The following UBR4 variants were observed in gnomAD, a reference collection of about 807,000 sequenced individuals.
The protein encoded by UBR4 is ubiquitin protein ligase E3 component n-recognin 4, also known as E3 ubiquitin-protein ligase UBR4.
UBR4 carries 124 observed loss-of-function variants against 575.6 expected under a neutral mutation model. The observed-to-expected ratio is 0.22, with a 90% CI of 0.19 to 0.25. The LOEUF (loss-of-function observed/expected upper bound fraction) is 0.25. Ranked by LOEUF, UBR4 falls within the 10% of genes least tolerant of loss-of-function variation. UBR4 has a pLI of 1.00. For missense variants in UBR4, 4,818 were observed against 6,478.8 expected (o/e 0.74, Z 8.80); for synonymous variants, 2,455 against 2,473.7 (o/e 0.99, Z 0.22).
chr1:19,164,652 A>C (rs993477965), intron 32 of UBR4, 147 bp downstream of exon 32: 12 of 1,189,578 alleles, frequency 1.0e-5, no homozygotes, highest in Non-Finnish European at 1.4e-5. Context: ...AAAATCAAGG[A>C]GCTACACTAG....
chr1:19,096,702 A>C (rs376138279), intron 91 of UBR4, 52 bp from the exon 92 acceptor site: 19 of 1,605,898 alleles, frequency 1.2e-5, no homozygotes, highest in Non-Finnish European at 1.3e-5. Flanking sequence ...GAAGATGGGA[A>C]TAAAATAGGC....
intron 20 of UBR4, among the ~76,000 whole-genome samples, chr1:19,175,493 A>G (rs576584332): frequency 6.6e-6 from 1 of 152,372 alleles, no homozygotes; most frequent in African/African-American, 2.4e-5. Context: ...CACAAAACAC[A>G]CTTAACATCT....
rs749204620 is a variant in UBR4, at chr1:19,150,761, T to G, written c.7246A>C (p.Met2416Leu). Residue 2416 changes from methionine (M) to leucine (L), a missense_variant, in exon 49 of 106, where the codon ATG becomes CTG. Met to Leu is a conservative substitution (Grantham distance 15, BLOSUM62 2). Around this residue, in one of 29 missense-constraint regions of UBR4, gnomAD observed 340 missense variants for 375.4 expected, o/e 0.91. Coordinates refer to ENST00000375254, the MANE Select transcript of UBR4 (RefSeq NM_020765.3). ...GASVDPAGVT[M>L]IDAVKIYGKT... is the part of the protein sequence containing the mutation. ...CCATAAATTTTTACAGCATCTATCA[T>G]GGTGACACCTGCTGGATCCACCGAG... The G allele has an allele frequency of 6.2e-7, 1 of 1,613,962 alleles. No individual in the cohort carries two copies. Among genetic ancestry groups the G allele is most frequent in the Non-Finnish European group, 8.5e-7 (1 of 1,180,024 alleles).
chr1:19,115,644 A>G lies in UBR4; in HGVS notation c.10824-7T>C. The G allele has an allele frequency of 6.2e-7, 1 of 1,613,858 alleles. No homozygotes were observed. ...TTTGTGCCAGCGAGCTGGCCTAGGAAAGACAGACAGCCTTGAGATTTTCTC... is the reference window on the plus strand; with the variant it reads ...TTTGTGCCAGCGAGCTGGCCTAGGAGAGACAGACAGCCTTGAGATTTTCTC... On this transcript the variant is annotated splice_polypyrimidine_tract_variant and splice_region_variant and intron_variant, in intron 73 of 105. Transcript: ENST00000375254.
rs780955418 is a variant in UBR4, at chr1:19,167,183, A to C, written c.3948T>G (p.Pro1316=). 3.1e-6 allele frequency: 5 copies of C among 1,614,218 alleles called. No individual in the cohort carries two copies. The highest frequency in any genetic ancestry group is 4.2e-6 in the Non-Finnish European group (5 of 1,180,036). Residue 1316 remains proline, a synonymous_variant, in exon 29 of 106, where the codon CCT becomes CCG. Coordinates refer to ENST00000375254, the MANE Select transcript of UBR4 (RefSeq NM_020765.3). ...NPPQVIRTLL[P]LLLESSTESV... ...TCTCAGTGCTTGATTCCAAAAGAAG[A>C]GGTAGCAGTGTCCGAATTACCTGTG...
chr1:19,126,636 C>T lies in UBR4; in HGVS notation c.9248G>A (p.Ser3083Asn). The change falls in exon 64 of 106, where the codon AGT becomes AAT. Residue 3083 changes from serine (S) to asparagine (N), a missense_variant. Transcript: ENST00000375254. ...SICESSSLIS[S>N]ATAAALLSSG... The stretch of plus-strand genomic sequence containing the variant: ...GCTCAGTAGAGCTGCTGCTGTGGCA[C>T]TGGAGATGAGGGAAGATGACTGGGA... The T allele has an allele frequency of 6.2e-7, 1 of 1,613,740 alleles. No homozygotes were observed. Among genetic ancestry groups the T allele is most frequent in the Non-Finnish European group, 8.5e-7 (1 of 1,179,962 alleles).
chr1:19,081,254 G>T, intron 103 of UBR4, 95 bp downstream of exon 103: 1 of 1,103,838 alleles, frequency 9.1e-7, no homozygotes, highest in Non-Finnish European at 1.3e-6. Flanking sequence ...CAGTCACAAA[G>T]CATGCCTTCA....
In UBR4 at chr1:19,077,663, G is replaced by A; in HGVS notation, c.15324+313C>T. ...CAGGAGAATCACTTGAACCCGGGAT[G>A]CAGAGGTTGCAGTGAGCCGAGATCA... On this transcript the variant is annotated intron_variant, in intron 104 of 105. Coordinates refer to ENST00000375254, the MANE Select transcript of UBR4 (RefSeq NM_020765.3). 7 of 889,974 alleles carry A rather than the reference G, an allele frequency of 7.9e-6. No individual in the cohort carries two copies. In the South Asian group the frequency reaches 1.0e-4, roughly 13 times the overall value. The allele number at this position is 889,974 out of a possible 1,614,324, so 55.1% of individuals were successfully genotyped here.
At chr1:19,195,967 T>TACAC (rs1491441801) in intron 8 of UBR4, among the ~76,000 whole-genome samples, 1 of 104,508 alleles carries the variant, frequency 9.6e-6, no homozygotes, top group Non-Finnish European at 1.9e-5. Context: ...CAGACTTACT[T>TACAC]ATACACACAC....
chr1:19,105,914 G>T (rs987842448), intron 83 of UBR4, 72 bp from the exon 84 acceptor site: 73 of 1,173,394 alleles, frequency 6.2e-5, no homozygotes, highest in Non-Finnish European at 8.0e-5. Flanking sequence ...CAGCAGGGCA[G>T]TCAACTGCCA....
intron 2 of UBR4, 72 bp from the exon 3 acceptor site, chr1:19,199,826 T>C (rs797015869): frequency 6.6e-6 from 9 of 1,360,964 alleles, no homozygotes; most frequent in African/African-American, 5.7e-5. Context: ...AAAGTAAGTA[T>C]TGAGCTCTAT....
rs576717001 is a variant in UBR4 at position 19,146,215 on chromosome 1, TC to T, written c.7805-283del. 4 of 858,220 alleles carry T rather than the reference TC, an allele frequency of 4.7e-6. No homozygotes were observed. The East Asian group carries it at 1.6e-4, about 34-fold the overall frequency. The allele number at this position is 858,220 out of a possible 1,614,324, so 53.2% of individuals were successfully genotyped here. On this transcript the variant is annotated intron_variant, in intron 52 of 105. Transcript: ENST00000375254. ...AGATCTCAGTTCCAACTGTTCAACT[TC>T]TAAAACGTAGAGGAACATCTGAACA...
chr1:19,153,409 A>G lies in UBR4; in HGVS notation c.6724T>C (p.Tyr2242His). ...GAGGTGTTCTCCACGTTGGCCATGT[A>G]AATGCGCAGGCTGCCATCCTCACAC... ...LLCEDGSLRI[Y>H]MANVENTSYW... The change falls in exon 46 of 106, where the codon TAC (tyrosine) becomes CAC (histidine). Residue 2242 changes from tyrosine to histidine, a missense_variant. Transcript: ENST00000375254. The surrounding 1 kb of genome is among the most constrained non-coding windows in gnomAD (Gnocchi z 4.1). The G allele has an allele frequency of 6.2e-7, 1 of 1,614,202 alleles. No individual in the cohort carries two copies. Among genetic ancestry groups the G allele is most frequent in the Non-Finnish European group, 8.5e-7 (1 of 1,180,034 alleles).
intron 35 of UBR4, 80 bp from the exon 36 acceptor site, chr1:19,161,977 C>T (rs1042375161): frequency 1.3e-6 from 2 of 1,516,440 alleles, no homozygotes; most frequent in South Asian, 2.3e-5. Flanking sequence ...GCCTCAACGC[C>T]CTATGGCGGG....
chr1:19,077,984 T>A lies in UBR4; in HGVS notation c.15316A>T (p.Met5106Leu). The change falls in exon 104 of 106, where the codon ATG becomes TTG. Residue 5106 changes from methionine (M) to leucine (L), a missense_variant. Transcript: ENST00000375254. The stretch of plus-strand genomic sequence containing the variant: ...TCTGACAGCCTCCTTACCTTAAACA[T>A]GTTGTAAATGAGATCGACGAGGGCC... ...FWALVDLIYN[M>L]FKKVPTSNTE... 6.2e-7 allele frequency: 1 copy of A among 1,613,890 alleles called. No homozygotes were observed. Among genetic ancestry groups the A allele is most frequent in the Non-Finnish European group, 8.5e-7 (1 of 1,179,896 alleles).
intron 90 of UBR4, 83 bp from the exon 91 acceptor site, chr1:19,097,363 C>T: frequency 8.2e-7 from 1 of 1,216,476 alleles, no homozygotes; most frequent in Non-Finnish European, 1.1e-6. Context: ...TTGCTTAAAG[C>T]CCCAGCAATG....
At chr1:19,161,542 G>A (rs370810230) in intron 37 of UBR4, 47 bp downstream of exon 37, 32 of 1,543,628 alleles carry the variant, frequency 2.1e-5, no homozygotes, top group East Asian at 1.4e-4. Context: ...CAGTAATCCC[G>A]TGTCACTAAC....
intron 34 of UBR4, 138 bp downstream of exon 34, chr1:19,163,626 G>T (rs2087772356): frequency 3.1e-6 from 3 of 981,812 alleles, no homozygotes; most frequent in Non-Finnish European, 4.9e-6. Context: ...CATATTTCCA[G>T]TCTTTGAGAT....
At chr1:19,201,874 C>T in intron 1 of UBR4, 59 bp from the exon 2 acceptor site, 1 of 1,418,426 alleles carries the variant, frequency 7.1e-7, no homozygotes, top group Non-Finnish European at 9.9e-7. Flanking sequence ...GTGCCAGATA[C>T]CCCTTTATGG....
Sources: gnomAD v4.1 joint callset for allele counts (sites outside exome capture counted in the v4.1 genomes callset) on GRCh38, gnomAD v4.1.1 for gene constraint, gnomAD v4.1.1 regional missense constraint, Gnocchi (gnomAD v3.1) non-coding constraint, MANE v1.5 for transcripts, NCBI Gene and HGNC (gene_info 2026-07-23, HGNC 2026-07-21) for gene names.